CNTNAP3: variants seen among roughly 807,000 people sequenced by gnomAD.
The protein encoded by CNTNAP3 is contactin associated protein family member 3, also known as contactin-associated protein-like 3.
CNTNAP3 carries 36 observed loss-of-function variants against 92.1 expected under a neutral mutation model. The observed-to-expected ratio is 0.39, with a 90% CI of 0.30 to 0.52. The LOEUF is 0.52. Ranked by LOEUF, CNTNAP3 falls within the 20% of genes least tolerant of loss-of-function variation. CNTNAP3 has a pLI of 0.76. For missense variants in CNTNAP3, 534 were observed against 1,069.6 expected, an observed-to-expected ratio of 0.50 and a Z score of 6.98; for synonymous variants, 232 against 422.3, an observed-to-expected ratio of 0.55 and a Z score of 5.53.
intron 13 of CNTNAP3, among the ~76,000 whole-genome samples, chr9:39,126,807 T>C (rs1402582476): frequency 1.3e-5 from 2 of 151,854 alleles, no homozygotes; most frequent in Non-Finnish European, 2.9e-5. Context: ...ACAATTATAG[T>C]ACAGATTTCA....
intron 19 of CNTNAP3, among the ~76,000 whole-genome samples, chr9:39,087,793 A>T (rs1826097454): frequency 6.6e-6 from 1 of 152,024 alleles, no homozygotes; most frequent in Non-Finnish European, 1.5e-5. Context: ...GCCTACTCAG[A>T]GATTTTGTAG....
chr9:39,116,157 AAAAAC>A (rs1274303097), intron 14 of CNTNAP3, among the ~76,000 whole-genome samples: 2 of 150,716 alleles, frequency 1.3e-5, no homozygotes, highest in Non-Finnish European at 3.0e-5. Flanking sequence ...GTCTCAAAAC[AAAAAC>A]AAAACAAAAC....
chr9:39,074,689 T>C (rs905617203), intron 23 of CNTNAP3, among the ~76,000 whole-genome samples: 2 of 152,234 alleles, frequency 1.3e-5, no homozygotes, highest in African/African-American at 2.4e-5. Context: ...TGCATCATCA[T>C]AGATCATTAC....
chr9:39,106,232 G>A (rs1826603137), intron 15 of CNTNAP3, among the ~76,000 whole-genome samples: 1 of 152,086 alleles, frequency 6.6e-6, no homozygotes, highest in African/African-American at 2.4e-5. Flanking sequence ...GAAAGGAAGA[G>A]GAATCTACAA....
At chr9:39,151,973 A>C (rs1450838578) in intron 9 of CNTNAP3, among the ~76,000 whole-genome samples, 1 of 149,956 alleles carries the variant, frequency 6.7e-6, no homozygotes, top group Non-Finnish European at 1.5e-5. Context: ...GTAAATATAC[A>C]TCAATATTTA....
chr9:39,086,577 A>G lies in CNTNAP3; in HGVS notation c.3354+139T>C. On this transcript the variant is annotated intron_variant, in intron 20 of 23. Transcript: ENST00000297668. ...CTCCTCTCTCCCAGATCCTGGCCAT[A>G]TTTGGCTTCTTCTTGACTTATGGAA... 2.7e-6 allele frequency: 3 copies of G among 1,100,086 alleles called. 1 individual carries two copies. Among genetic ancestry groups the G allele is most frequent in the Non-Finnish European group, 3.8e-6 (3 of 788,994 alleles). 68.1% of individuals were successfully genotyped at this position (1,100,086 alleles called of 1,614,324 possible).
intron 15 of CNTNAP3, among the ~76,000 whole-genome samples, chr9:39,105,555 A>T (rs1343938103): frequency 2.0e-5 from 3 of 152,138 alleles, no homozygotes; most frequent in African/African-American, 7.2e-5. Flanking sequence ...AATGGTTTAT[A>T]CTCTATAACT....
chr9:39,143,704 T>C (rs1345624387), intron 11 of CNTNAP3, among the ~76,000 whole-genome samples: 1 of 152,162 alleles, frequency 6.6e-6, no homozygotes, highest in African/African-American at 2.4e-5. Context: ...ATCACAGTCA[T>C]TGTAAGAGAT....
rs1173364770 is a variant in CNTNAP3, at chr9:39,071,972, T to C, written c.*1918A>G. 2.7e-5 allele frequency among the ~76,000 whole-genome samples: 3 copies of C among 109,936 alleles called. No homozygotes were observed. The highest frequency in any genetic ancestry group is 1.9e-4 in the Admixed American group (2 of 10,496). The allele number at this position is 109,936 out of a possible 152,430, so 72.1% of individuals were successfully genotyped here. ...ATATAATTCTGTAATTTTAATTTTA[T>C]AGAGCTTTCCCTAAAATATTTTTTA... On this transcript the variant is annotated 3_prime_UTR_variant, in exon 24 of 24. Coordinates refer to ENST00000297668, the MANE Select transcript of CNTNAP3 (RefSeq NM_033655.5).
intron 13 of CNTNAP3, among the ~76,000 whole-genome samples, chr9:39,122,900 C>G (rs1182006429): frequency 2.0e-5 from 3 of 151,948 alleles, no homozygotes; most frequent in African/African-American, 7.3e-5. Flanking sequence ...TTCAAAGAAT[C>G]AGAAGGAAAT....
intron 13 of CNTNAP3, among the ~76,000 whole-genome samples, chr9:39,119,814 C>G (rs907951430): frequency 6.6e-6 from 1 of 151,986 alleles, no homozygotes; most frequent in Admixed American, 6.6e-5. Flanking sequence ...CTGGAAGATA[C>G]AATAACATAA....
At chr9:39,148,300 C>T (rs984605073) in intron 10 of CNTNAP3, among the ~76,000 whole-genome samples, 6 of 152,170 alleles carry the variant, frequency 3.9e-5, no homozygotes, top group Non-Finnish European at 5.9e-5. Context: ...ACAGAATGTT[C>T]ACAGGGGGAA....
intron 9 of CNTNAP3, chr9:39,154,941 A>G (rs866102875): frequency 0.013 from 2,125 of 168,806 alleles, 54 homozygotes; most frequent in African/African-American, 0.018. Context: ...GCATTGAAGG[A>G]TCAGGTACAA....
In CNTNAP3 at chr9:39,066,311, T is replaced by C. The variant is rs1404401722; in HGVS notation, c.*7579A>G. On this transcript the variant is annotated 3_prime_UTR_variant, in exon 24 of 24. Coordinates refer to ENST00000297668, the MANE Select transcript of CNTNAP3 (RefSeq NM_033655.5). ...GGTTATTGTTGTCATATATTTTACT[T>C]TTACTCATGCTGCAGAACTCACATG... Among the ~76,000 whole-genome samples the C allele has an allele frequency of 6.6e-6, 1 of 152,194 alleles. No individual in the cohort carries two copies. The highest frequency in any genetic ancestry group is 1.5e-5 in the Non-Finnish European group (1 of 68,014).
chr9:39,107,398 G>GAGGA (rs1183229784), intron 15 of CNTNAP3, among the ~76,000 whole-genome samples: 3 of 141,992 alleles, frequency 2.1e-5, no homozygotes, highest in South Asian at 2.5e-4. Context: ...GGGAGGGAGG[G>GAGGA]AGGAAGGAAG....
chr9:39,087,000 G>A (rs545775430), intron 19 of CNTNAP3, 151 bp from the exon 20 acceptor site: 390 of 1,038,634 alleles, frequency 3.8e-4, no homozygotes, highest in Admixed American at 6.5e-4. Flanking sequence ...TATCTTTCCC[G>A]GAACAGTGAT....
intron 17 of CNTNAP3, among the ~76,000 whole-genome samples, chr9:39,100,662 G>C (rs1429150971): frequency 6.6e-6 from 1 of 152,102 alleles, no homozygotes; most frequent in African/African-American, 2.4e-5. Context: ...AAATGGAGAG[G>C]CAAAGGAGGG....
Position 39,085,791 on chromosome 9 carries a change from C to A in CNTNAP3, c.3387G>T (p.Leu1129Phe), listed in dbSNP as rs1386062130. The A allele has an allele frequency of 5.8e-6, 9 of 1,564,338 alleles. No homozygotes were observed. The highest frequency in any genetic ancestry group is 7.9e-6 in the Non-Finnish European group (9 of 1,144,246). Residue 1129 changes from leucine (L) to phenylalanine (F), a missense_variant, in exon 21 of 24, where the codon TTG (leucine) becomes TTT (phenylalanine). Transcript: ENST00000297668. The part of the protein sequence containing the change: ...VNQSTKKQVI[L>F]SSGTEFNAVK... ...CGGCGTTGAATTCTGTCCCTGAGGA[C>A]AAGATGACTTGTTTCTTTGTGCTCT...
chr9:39,114,045 CACACACACACATATATATATAT>C (rs1820787094), intron 14 of CNTNAP3, among the ~76,000 whole-genome samples: 1 of 148,728 alleles, frequency 6.7e-6, no homozygotes, highest in Non-Finnish European at 1.5e-5. Flanking sequence ...TACACACACA[CACACACACACATATATATATAT>C]ACACACACAC....
Sources: gnomAD v4.1 joint callset for allele counts (sites outside exome capture counted in the v4.1 genomes callset) on GRCh38, gnomAD v4.1.1 for gene constraint, MANE v1.5 for transcripts, NCBI Gene and HGNC (gene_info 2026-07-23, HGNC 2026-07-21) for gene names.